Variants in LARGE1 observed in about 807,000 individuals in gnomAD.
LARGE1 encodes the protein LARGE xylosyl- and glucuronyltransferase 1, also known as xylosyl- and glucuronyltransferase LARGE1.
Under a neutral mutation model 87.6 loss-of-function variants are expected in LARGE1, and 43 were observed. That is an observed-to-expected ratio of 0.49 (90% CI 0.38 to 0.63). The LOEUF (loss-of-function observed/expected upper bound fraction) is 0.63, where lower values mean the gene tolerates loss of function less well. Among genes scored for constraint, LARGE1 ranks in the 30% least tolerant of loss-of-function variants. LARGE1 has a pLI of 0.00. For synonymous variants in LARGE1, 434 were observed against 394.6 expected (o/e 1.10, Z -1.18); for missense variants, 802 against 1,000.2 (o/e 0.80, Z 2.67).
intron 2 of LARGE1, among the ~76,000 whole-genome samples, chr22:33,655,683 G>A (rs1449356541): frequency 1.3e-5 from 2 of 152,086 alleles, no homozygotes; most frequent in African/African-American, 2.4e-5. Context: ...GAGTGGCACC[G>A]CCCAATCTCC....
Position 33,181,827 on chromosome 22 carries a change from C to CTTTTT in LARGE1, c.1731-15000_1731-14996dup, listed in dbSNP as rs56347007. Among the ~76,000 whole-genome samples the CTTTTT allele has an allele frequency of 2.9e-3, 374 of 128,440 alleles. 4 individuals are homozygous for CTTTTT. The highest frequency in any genetic ancestry group is 4.6e-3 in the African/African-American group (144 of 31,254). 84.3% of individuals were successfully genotyped at this position (128,440 alleles called of 152,430 possible). A position where few individuals can be genotyped will look rare whatever the true frequency, so the allele number is the denominator to read the frequency against. On this transcript the variant is annotated intron_variant, in intron 11 of 11. Coordinates refer to the LARGE1 transcript ENST00000608642. ...ACAGGCGTGAGCCAGTATGCCTGGC[C>CTTTTT]TTTTTTTTTTTTTTTTTTTTTTACA...
chr22:33,498,498 C>G (rs1475302315), intron 6 of LARGE1, among the ~76,000 whole-genome samples: 1 of 152,108 alleles, frequency 6.6e-6, no homozygotes, highest in Non-Finnish European at 1.5e-5. Flanking sequence ...ACTGCGGCAG[C>G]CGAATGTCTT....
At chr22:33,424,112 G>C (rs1159177990) in intron 7 of LARGE1, among the ~76,000 whole-genome samples, 3 of 152,200 alleles carry the variant, frequency 2.0e-5, no homozygotes, top group African/African-American at 4.8e-5. Flanking sequence ...CAAGTAGGGA[G>C]CATGTTTAAA....
chr22:33,909,901 C>A (rs1601898672), intron 1 of LARGE1, among the ~76,000 whole-genome samples: 1 of 152,256 alleles, frequency 6.6e-6, no homozygotes, highest in Non-Finnish European at 1.5e-5. Context: ...CCTCTCCAAC[C>A]CAAAAAATAT....
intron 6 of LARGE1, among the ~76,000 whole-genome samples, chr22:33,558,873 C>T (rs1569269056): frequency 6.6e-6 from 1 of 152,340 alleles, no homozygotes; most frequent in Middle Eastern, 3.4e-3. Flanking sequence ...AGCAGACACA[C>T]ATTAACGATG....
intron 11 of LARGE1, among the ~76,000 whole-genome samples, chr22:33,264,567 G>A (rs1927820500): frequency 2.0e-5 from 3 of 152,202 alleles, no homozygotes; most frequent in African/African-American, 7.2e-5. Context: ...GCTGAGGCAG[G>A]AGAATCACCT....
intron 2 of LARGE1, chr22:33,724,656 G>A (rs2149453123): frequency 6.6e-6 from 1 of 152,378 alleles, no homozygotes; most frequent in South Asian, 2.1e-4. Context: ...GGCTCTGCAT[G>A]CATTTATCAA....
At chr22:33,877,720 C>T (rs568359268) in intron 1 of LARGE1, among the ~76,000 whole-genome samples, 4 of 152,010 alleles carry the variant, frequency 2.6e-5, no homozygotes, top group East Asian at 3.9e-4. Context: ...GTCACGAGTT[C>T]GAGACCAGCC....
In LARGE1 at chr22:33,755,590, T is replaced by G. The variant is rs552089970; in HGVS notation, c.106+5781A>C. Among the ~76,000 whole-genome samples the G allele has an allele frequency of 9.8e-5, 15 of 152,342 alleles. No individual in the cohort carries two copies. In the South Asian group the frequency reaches 3.1e-3, roughly 32 times the overall value. ...TGATTCTGATAGAAAATAACAGGTA[T>G]GCTCTAAATTCAAATGGGGCTATAG... On this transcript the variant is annotated intron_variant, in intron 2 of 14. Transcript: ENST00000397394.
chr22:33,612,853 C>G (rs1444775573), intron 4 of LARGE1, among the ~76,000 whole-genome samples: 2 of 152,084 alleles, frequency 1.3e-5, no homozygotes, highest in Non-Finnish European at 2.9e-5. Flanking sequence ...AGAAGGTGGA[C>G]CAGTGTGGGG....
chr22:33,501,434 G>A (rs1377297610), intron 6 of LARGE1, among the ~76,000 whole-genome samples: 2 of 152,148 alleles, frequency 1.3e-5, no homozygotes, highest in Non-Finnish European at 2.9e-5. Context: ...GCGATGATCA[G>A]TAGCTGGCGG....
chr22:33,615,270 C>T (rs953688263), intron 4 of LARGE1, among the ~76,000 whole-genome samples: 1 of 151,890 alleles, frequency 6.6e-6, no homozygotes, highest in Non-Finnish European at 1.5e-5. Context: ...TAAATGAACA[C>T]ATGAATAATT....
intron 11 of LARGE1, among the ~76,000 whole-genome samples, chr22:33,199,942 C>CCT (rs1924292308): frequency 1.3e-5 from 2 of 151,300 alleles, no homozygotes; most frequent in African/African-American, 4.9e-5. Flanking sequence ...CTCTGCCTCC[C>CCT]GGGTTCAAGC....
At chr22:33,807,004 G>T (rs931807685) in intron 1 of LARGE1, among the ~76,000 whole-genome samples, 10 of 129,254 alleles carry the variant, frequency 7.7e-5, no homozygotes, top group Admixed American at 7.2e-4. Flanking sequence ...GTGAGACTCC[G>T]TCTCAAAAAA....
chr22:33,141,699 C>T, the LARGE1 span, among the ~76,000 whole-genome samples: 1 of 152,004 alleles, frequency 6.6e-6, no homozygotes, highest in Non-Finnish European at 1.5e-5. Context: ...AGACAAGCAC[C>T]CACTCTACAT....
intron 6 of LARGE1, among the ~76,000 whole-genome samples, chr22:33,434,979 T>G (rs973911115): frequency 6.6e-6 from 1 of 152,170 alleles, no homozygotes; most frequent in African/African-American, 2.4e-5. Flanking sequence ...TAGTACTTCC[T>G]ACTGTTTTTT....
At chr22:33,690,349 G>C (rs1383868002) in intron 2 of LARGE1, among the ~76,000 whole-genome samples, 1 of 152,164 alleles carries the variant, frequency 6.6e-6, no homozygotes, top group African/African-American at 2.4e-5. Flanking sequence ...CTGTCCTCAG[G>C]ACTAACTAAG....
chr22:33,884,993 G>T (rs952572801), intron 1 of LARGE1, among the ~76,000 whole-genome samples: 1 of 152,212 alleles, frequency 6.6e-6, no homozygotes, highest in Non-Finnish European at 1.5e-5. Context: ...GGAAGAATAC[G>T]AATAATTACT....
chr22:33,733,000 CG>C (rs2083525139), intron 2 of LARGE1: 1 of 152,338 alleles, frequency 6.6e-6, no homozygotes, highest in Admixed American at 6.5e-5. Flanking sequence ...AACTTGCAGC[CG>C]GGTGCCCTCT....
Sources: gnomAD v4.1 joint callset for allele counts (sites outside exome capture counted in the v4.1 genomes callset) on GRCh38, gnomAD v4.1.1 for gene constraint, MANE v1.5 for transcripts, NCBI Gene and HGNC (gene_info 2026-07-23, HGNC 2026-07-21) for gene names.